AGT: variants seen among roughly 807,000 people sequenced by gnomAD.
The protein encoded by AGT is alpha-1 antiproteinase, antitrypsin.
AGT carries 26 observed loss-of-function variants against 28.1 expected under a neutral mutation model. The observed-to-expected ratio is 0.92, with a 90% CI of 0.68 to 1.28. AGT has a LOEUF of 1.28. Ranked by LOEUF, AGT falls within the 50% of genes most tolerant of loss-of-function variation. The pLI is 0.00. For synonymous variants in AGT, 259 were observed against 259.6 expected, an observed-to-expected ratio of 1.00 and a Z score of 0.02; for missense variants, 596 against 592.3, an observed-to-expected ratio of 1.01 and a Z score of -0.06.
chr1:230,710,623 T>C lies in AGT; in HGVS notation c.201A>G (p.Thr67=), dbSNP rs1294599543. The C allele has an allele frequency of 6.2e-7, 1 of 1,614,230 alleles. No individual in the cohort carries two copies. Among genetic ancestry groups the C allele is most frequent in the Non-Finnish European group, 8.5e-7 (1 of 1,180,032 alleles). Residue 67 remains threonine (T), a synonymous_variant, in exon 2 of 5, where the codon ACA becomes ACG. Transcript: ENST00000366667. ...TFIPAPIQAK[T]SPVDEKALQD... ...GTAGGGCCTTTTCATCCACAGGGGA[T>C]GTCTTGGCCTGAATTGGAGCAGGTA...
At chr1:230,726,244 C>T (rs1206817007) in intron 1 of AGT, among the ~76,000 whole-genome samples, 2 of 152,158 alleles carry the variant, frequency 1.3e-5, no homozygotes, top group Admixed American at 1.3e-4. Context: ...CCATCTTATT[C>T]TCCCTAAGAC....
chr1:230,735,250 T>C (rs1571988058), intron 1 of AGT, among the ~76,000 whole-genome samples: 1 of 152,254 alleles, frequency 6.6e-6, no homozygotes, highest in Non-Finnish European at 1.5e-5. Context: ...TCGCCCCGAC[T>C]GCAGCGGGAG....
rs147721610 is a variant in AGT at position 230,720,709 on chromosome 1, T to G, written c.-30-9856A>C. On this transcript the variant is annotated intron_variant, in intron 1 of 4. Transcript: ENST00000681269. The stretch of plus-strand genomic sequence containing the variant: ...TTTTCTACACTGTCATGCCCACCTT[T>G]GAGTAGAGTCTTTGCTTTAACCTTT... Among the ~76,000 whole-genome samples the G allele has an allele frequency of 3.1e-3, 475 of 152,362 alleles. 11 individuals carry two copies. Among genetic ancestry groups the G allele is most frequent in the Admixed American group, 0.028 (424 of 15,302 alleles).
chr1:230,732,888 A>G lies in AGT; in HGVS notation c.-31+12627T>C, dbSNP rs1018700176. ...TTCAGATCTGTGTTGTTCAAGGACC[A>G]ACGGTATTTGAGGACTATACTGTAT... On this transcript the variant is annotated intron_variant, in intron 1 of 4. Transcript: ENST00000681269. Among the ~76,000 whole-genome samples, 11 of 152,176 alleles carry G rather than the reference A, an allele frequency of 7.2e-5. No homozygotes were observed. In the East Asian group the frequency reaches 2.1e-3, roughly 29 times the overall value.
chr1:230,722,081 G>A (rs1462067882), intron 1 of AGT, among the ~76,000 whole-genome samples: 1 of 152,014 alleles, frequency 6.6e-6, no homozygotes, highest in African/African-American at 2.4e-5. Flanking sequence ...GGGCCCGCCT[G>A]CTCTGTGCAG....
chr1:230,732,821 G>T (rs1438384048), intron 1 of AGT, among the ~76,000 whole-genome samples: 2 of 152,170 alleles, frequency 1.3e-5, no homozygotes, highest in Admixed American at 1.3e-4. Flanking sequence ...TGTCTCAAGG[G>T]TGGCAGAGGT....
chr1:230,712,100 T>C (rs944547890), intron 1 of AGT, among the ~76,000 whole-genome samples: 2 of 152,156 alleles, frequency 1.3e-5, no homozygotes, highest in Admixed American at 6.5e-5. Flanking sequence ...TCTCACTCAT[T>C]TCTTGTGGAG....
At chr1:230,734,899 A>G (rs1316934209) in intron 1 of AGT, among the ~76,000 whole-genome samples, 1 of 151,800 alleles carries the variant, frequency 6.6e-6, no homozygotes, top group Admixed American at 6.6e-5. Context: ...TATGTTTAGT[A>G]GAGACAGGGT....
At chr1:230,737,677 T>C (rs1308374743) in intron 1 of AGT, among the ~76,000 whole-genome samples, 1 of 152,182 alleles carries the variant, frequency 6.6e-6, no homozygotes, top group Non-Finnish European at 1.5e-5. Flanking sequence ...TACGAAACAC[T>C]GTAGGAGGCA....
intron 2 of AGT, 119 bp downstream of exon 2, chr1:230,709,876 G>A: frequency 6.8e-7 from 1 of 1,464,894 alleles, no homozygotes; most frequent in Non-Finnish European, 9.5e-7. Context: ...CTCAAGGGTG[G>A]TCACCAGGTA....
chr1:230,727,024 G>C lies in AGT; in HGVS notation c.-30-16171C>G, dbSNP rs59929619. Reference sequence around the variant, plus strand: ...TGGTCATGTGAATGGTGACCTTCTGGAGTCAAAGTTACCATCTCTGTTTTC... The same window carrying C: ...TGGTCATGTGAATGGTGACCTTCTGCAGTCAAAGTTACCATCTCTGTTTTC... On this transcript the variant is annotated intron_variant, in intron 1 of 4. Coordinates refer to the AGT transcript ENST00000681269. Among the ~76,000 whole-genome samples the C allele has an allele frequency of 4.5e-3, 679 of 152,270 alleles. 6 individuals are homozygous for C. Among genetic ancestry groups the C allele is most frequent in the African/African-American group, 0.015 (642 of 41,552 alleles).
chr1:230,709,436 TA>T (rs34924695), intron 2 of AGT, among the ~76,000 whole-genome samples: 39,057 of 131,206 alleles, frequency 0.3, 5,173 homozygotes, highest in African/African-American at 0.37. Context: ...CCTGTCTCAA[TA>T]AAAAAAAAAA....
upstream of AGT, among the ~76,000 whole-genome samples, chr1:230,717,432 T>C (rs898684931): frequency 2.6e-5 from 4 of 152,158 alleles, no homozygotes; most frequent in African/African-American, 9.7e-5. Flanking sequence ...AAGCAGATTA[T>C]TTATTTATGT....
intron 2 of AGT, among the ~76,000 whole-genome samples, chr1:230,709,099 T>A (rs1233843134): frequency 6.6e-6 from 1 of 152,206 alleles, no homozygotes; most frequent in East Asian, 1.9e-4. Context: ...GAGGCTTCCC[T>A]GAGTTACCTT....
intron 1 of AGT, among the ~76,000 whole-genome samples, chr1:230,712,760 C>A (rs573594743): frequency 3.9e-5 from 6 of 152,320 alleles, no homozygotes; most frequent in Non-Finnish European, 5.9e-5. Context: ...TTGTGATCTG[C>A]GGCTGCTCCC....
intron 2 of AGT, among the ~76,000 whole-genome samples, chr1:230,708,976 C>T (rs529958353): frequency 1.3e-5 from 2 of 152,354 alleles, no homozygotes; most frequent in East Asian, 1.9e-4. Flanking sequence ...TTGCCCCAAA[C>T]TCTGCAGGCT....
At chr1:230,726,530 C>T (rs1663945493) in intron 1 of AGT, among the ~76,000 whole-genome samples, 1 of 151,994 alleles carries the variant, frequency 6.6e-6, no homozygotes, top group East Asian at 1.9e-4. Context: ...CCTAAGATGT[C>T]ACTCTACTGG....
chr1:230,730,518 A>G (rs1664034214), intron 1 of AGT, among the ~76,000 whole-genome samples: 1 of 152,134 alleles, frequency 6.6e-6, no homozygotes, highest in South Asian at 2.1e-4. Flanking sequence ...TGGCTTCACG[A>G]TACCATCTTT....
rs74815266 is a variant in AGT, at chr1:230,731,135, C to T, written c.-31+14380G>A. On this transcript the variant is annotated intron_variant, in intron 1 of 4. Coordinates refer to the AGT transcript ENST00000681269. ...TCCTTTAAAAACCTTGTGACGAAAG[C>T]CAAATGGAGTTCATATCCAAGGTCA... Among the ~76,000 whole-genome samples, 674 of 152,336 alleles carry T rather than the reference C, an allele frequency of 4.4e-3. 6 individuals are homozygous for T. The highest frequency in any genetic ancestry group is 0.015 in the African/African-American group (621 of 41,570).
Sources: gnomAD v4.1 joint callset for allele counts (sites outside exome capture counted in the v4.1 genomes callset) on GRCh38, gnomAD v4.1.1 for gene constraint, MANE v1.5 for transcripts, NCBI Gene and HGNC (gene_info 2026-07-23, HGNC 2026-07-21) for gene names.